The following DLGAP2 variants were observed in gnomAD, a reference collection of about 807,000 sequenced individuals.
The protein encoded by DLGAP2 is DLG associated protein 2, also known as disks large-associated protein 2.
In DLGAP2, 26 loss-of-function variants were observed where a neutral mutation model predicts 100.3. The ratio of observed to expected loss-of-function variants is 0.26; its 90% CI spans 0.19 to 0.36. The LOEUF (loss-of-function observed/expected upper bound fraction) is 0.36, where lower values mean the gene tolerates loss of function less well. Among genes scored for constraint, DLGAP2 ranks in the 10% least tolerant of loss-of-function variants. The probability of loss-of-function intolerance (pLI) is 1.00; values close to 1 mark genes in which losing one functional copy is unlikely to be tolerated. For missense variants in DLGAP2, 1,858 were observed against 1,453.2 expected (o/e 1.28, Z -4.53); for synonymous variants, 886 against 630.1 (o/e 1.41, Z -6.08).
chr8:1,064,010 G>T (rs1213767446), intron 2 of DLGAP2, among the ~76,000 whole-genome samples: 1 of 152,192 alleles, frequency 6.6e-6, no homozygotes, highest in South Asian at 2.1e-4. Flanking sequence ...AGGATGACAT[G>T]GTTCTCCAGA....
chr8:1,207,169 A>G (rs576831167), intron 2 of DLGAP2, among the ~76,000 whole-genome samples: 2 of 152,204 alleles, frequency 1.3e-5, no homozygotes, highest in South Asian at 2.1e-4. Context: ...GTGATTTCTG[A>G]GATTTTAGTG....
intron 2 of DLGAP2, among the ~76,000 whole-genome samples, chr8:962,435 G>A (rs570572536): frequency 3.7e-4 from 56 of 152,326 alleles, no homozygotes; most frequent in Admixed American, 8.5e-4. Context: ...TGGAGTCAGT[G>A]TCCAGGAGTT....
At chr8:1,665,831 G>A (rs773383381) in intron 8 of DLGAP2, among the ~76,000 whole-genome samples, 3 of 152,206 alleles carry the variant, frequency 2.0e-5, no homozygotes, top group Non-Finnish European at 4.4e-5. Context: ...TGACAAATGG[G>A]TTACCATGAA....
intron 2 of DLGAP2, among the ~76,000 whole-genome samples, chr8:1,042,286 C>A (rs541320631): frequency 7.7e-4 from 117 of 152,230 alleles, no homozygotes; most frequent in Middle Eastern, 3.4e-3. Context: ...TGAGCTGTTC[C>A]CAAGATCATG....
At chr8:1,571,783 G>A (rs1410393847) in intron 6 of DLGAP2, among the ~76,000 whole-genome samples, 2 of 139,968 alleles carry the variant, frequency 1.4e-5, no homozygotes, top group Admixed American at 6.9e-5. Context: ...GGGATGGAGA[G>A]GAGACGGGGT....
At chr8:981,658 T>C (rs1391669201) in intron 2 of DLGAP2, among the ~76,000 whole-genome samples, 1 of 152,182 alleles carries the variant, frequency 6.6e-6, no homozygotes, top group Non-Finnish European at 1.5e-5. Context: ...TATATTTGCA[T>C]TTCCCTGACA....
intron 3 of DLGAP2, among the ~76,000 whole-genome samples, chr8:1,429,168 T>C (rs763035839): frequency 5.3e-5 from 8 of 152,136 alleles, no homozygotes; most frequent in Non-Finnish European, 1.0e-4. Context: ...AGTTAATTGA[T>C]AGTTTCTGAT....
intron 3 of DLGAP2, among the ~76,000 whole-genome samples, chr8:1,428,415 T>TGA (rs924744043): frequency 9.3e-5 from 14 of 150,718 alleles, no homozygotes; most frequent in South Asian, 2.1e-4. Flanking sequence ...TCTCTTTCCT[T>TGA]GAGAGAGAGA....
intron 2 of DLGAP2, among the ~76,000 whole-genome samples, chr8:1,089,408 T>C (rs1282844562): frequency 6.6e-6 from 1 of 152,172 alleles, no homozygotes. Flanking sequence ...CTCATAACCG[T>C]GGGCTGGTGA....
intron 8 of DLGAP2, among the ~76,000 whole-genome samples, chr8:1,661,621 G>A (rs1798410847): frequency 6.6e-6 from 1 of 152,188 alleles, no homozygotes; most frequent in African/African-American, 2.4e-5. Flanking sequence ...CCACCAGGAA[G>A]CAGATGATGG....
At chr8:838,673 A>T (rs1796927599) in intron 1 of DLGAP2, among the ~76,000 whole-genome samples, 1 of 152,186 alleles carries the variant, frequency 6.6e-6, no homozygotes, top group African/African-American at 2.4e-5. Flanking sequence ...CTATATTGTC[A>T]TGTTAATGCA....
intron 3 of DLGAP2, among the ~76,000 whole-genome samples, chr8:1,417,218 C>G (rs1796919110): frequency 1.3e-5 from 1 of 77,646 alleles, no homozygotes; most frequent in Admixed American, 1.1e-4. Context: ...TGAGGGGAGA[C>G]CAGCGTCCGT....
chr8:821,330 A>G (rs1326363736), intron 1 of DLGAP2, among the ~76,000 whole-genome samples: 2 of 152,176 alleles, frequency 1.3e-5, no homozygotes, highest in Admixed American at 6.5e-5. Flanking sequence ...TATGTAGGAG[A>G]GTGTTTTGCG....
At chr8:1,556,139 T>G (rs1340729605) in intron 5 of DLGAP2, among the ~76,000 whole-genome samples, 3 of 152,224 alleles carry the variant, frequency 2.0e-5, no homozygotes, top group Non-Finnish European at 1.5e-5. Flanking sequence ...TCTAAGACCC[T>G]GAGGAACCAT....
chr8:922,248 T>G (rs1798730494), intron 2 of DLGAP2, among the ~76,000 whole-genome samples: 1 of 152,200 alleles, frequency 6.6e-6, no homozygotes, highest in South Asian at 2.1e-4. Flanking sequence ...TCTAACCCAT[T>G]AACCGTATCT....
intron 2 of DLGAP2, among the ~76,000 whole-genome samples, chr8:1,026,235 C>G (rs193032772): frequency 6.6e-6 from 1 of 152,320 alleles, no homozygotes; most frequent in East Asian, 1.9e-4. Flanking sequence ...AGACGTTTGC[C>G]GTCTTCCGAA....
In DLGAP2 at chr8:1,408,344, A is replaced by C. The variant is rs7823071; in HGVS notation, c.107-93022A>C. On this transcript the variant is annotated intron_variant, in intron 3 of 14. Coordinates refer to ENST00000637795, the MANE Select transcript of DLGAP2 (RefSeq NM_001346810.2). Reference sequence around the variant, plus strand: ...CCGAGGGTTTCCCCTTCCCTCGGGGAGGCGTCTGTGTTCTCATCAGGGGAG... The same window carrying C: ...CCGAGGGTTTCCCCTTCCCTCGGGGCGGCGTCTGTGTTCTCATCAGGGGAG... Among the ~76,000 whole-genome samples the C allele has an allele frequency of 8.7e-3, 1,319 of 152,156 alleles. 17 individuals carry two copies. Among genetic ancestry groups the C allele is most frequent in the African/African-American group, 0.03 (1,252 of 41,504 alleles).
chr8:1,533,396 C>G (rs1465200977), intron 4 of DLGAP2, among the ~76,000 whole-genome samples: 1 of 151,736 alleles, frequency 6.6e-6, no homozygotes, highest in Non-Finnish European at 1.5e-5. Flanking sequence ...GTCCGAGCTA[C>G]TCGGCAGGCT....
rs1045946903 is a variant in DLGAP2, at chr8:1,065,866, G to C, written c.73+157900G>C. 4.6e-5 allele frequency among the ~76,000 whole-genome samples: 7 copies of C among 152,186 alleles called. No individual in the cohort carries two copies. The South Asian group carries it at 8.3e-4, about 18-fold the overall frequency. On this transcript the variant is annotated intron_variant, in intron 2 of 14. Transcript: ENST00000637795. ...CAGGAATTCCGGGAAATCTTTCCTA[G>C]CTATTTGCTTTCGAGTTGTCATTCT...
Sources: allele counts gnomAD v4.1 joint callset (sites outside exome capture counted in the v4.1 genomes callset), GRCh38; gene constraint gnomAD v4.1.1; transcripts MANE v1.5; gene names NCBI Gene and HGNC (gene_info 2026-07-23, HGNC 2026-07-21).